Variants in BCL2L15 observed in about 807,000 individuals in gnomAD.
BCL2L15 encodes bcl-2-like protein 15.
In BCL2L15, 15 loss-of-function variants were observed where a neutral mutation model predicts 18.3. The observed-to-expected ratio is 0.82, with a 90% confidence interval of 0.55 to 1.26. The LOEUF is 1.26. Among genes scored for constraint, BCL2L15 ranks in the 50% most tolerant of loss-of-function variants. The probability of loss-of-function intolerance (pLI) is 0.00; values close to 1 mark genes in which losing one functional copy is unlikely to be tolerated. For missense variants in BCL2L15, 180 were observed against 201.7 expected, an observed-to-expected ratio of 0.89 and a Z score of 0.65; for synonymous variants, 58 against 68.5, an observed-to-expected ratio of 0.85 and a Z score of 0.76.
rs965558687 is a variant in BCL2L15 at position 113,880,081 on chromosome 1, G to C, written c.*1042C>G. On this transcript the variant is annotated 3_prime_UTR_variant, in exon 4 of 4. Transcript: ENST00000393316. ...GTGTGAACCACACTTTTAAAGCTTTGTGTTATGCAGCTAGCTTCATCTAAG... is the reference window on the plus strand; with the variant it reads ...GTGTGAACCACACTTTTAAAGCTTTCTGTTATGCAGCTAGCTTCATCTAAG... 2.0e-5 allele frequency: 3 copies of C among 152,294 alleles called. No individual in the cohort carries two copies. The highest frequency in any genetic ancestry group is 4.4e-5 in the Non-Finnish European group (3 of 68,032). 9.4% of individuals were successfully genotyped at this position (152,294 alleles called of 1,614,324 possible).
chr1:113,887,174 G>A lies in BCL2L15; in HGVS notation c.127+75C>T, dbSNP rs542951887. On this transcript the variant is annotated intron_variant, in intron 1 of 3. Coordinates refer to ENST00000393316, the MANE Select transcript of BCL2L15 (RefSeq NM_001010922.3). The stretch of plus-strand genomic sequence containing the variant: ...TGGCCTCCCAAAGTGCTGGGATTAC[G>A]GGAATCAGTCACTGCGCCCGGCTGA... The A allele has an allele frequency of 2.8e-5, 40 of 1,427,964 alleles. No homozygotes were observed. In the East Asian group the frequency reaches 7.0e-4, roughly 25 times the overall value. The allele number at this position is 1,427,964 out of a possible 1,614,324, so 88.5% of individuals were successfully genotyped here. A position where few individuals can be genotyped will look rare whatever the true frequency, so the allele number is the denominator to read the frequency against.
chr1:113,884,294 T>C (rs1253295033), intron 2 of BCL2L15, among the ~76,000 whole-genome samples: 1 of 152,220 alleles, frequency 6.6e-6, no homozygotes, highest in Non-Finnish European at 1.5e-5. Flanking sequence ...ATCCTTAATT[T>C]ATTCAAGAAG....
intron 2 of BCL2L15, among the ~76,000 whole-genome samples, chr1:113,882,476 C>A (rs1666904739): frequency 6.6e-6 from 1 of 151,980 alleles, no homozygotes; most frequent in African/African-American, 2.4e-5. Flanking sequence ...GAAACCCTGT[C>A]TCTACTAAAA....
At position 113,878,739 on chromosome 1, in the gene BCL2L15, A is replaced by T. The variant is rs1289687000; in HGVS notation, c.*2384T>A. 3 of 152,392 alleles carry T rather than the reference A, an allele frequency of 2.0e-5. No homozygotes were observed. The highest frequency in any genetic ancestry group is 7.2e-5 in the African/African-American group (3 of 41,466). 9.4% of individuals were successfully genotyped at this position (152,392 alleles called of 1,614,324 possible). ...AGGGACAAAGGAGTACAAGTTTCTT[A>T]ACTGGTAGCCAAAAATATAATTTCT... On this transcript the variant is annotated 3_prime_UTR_variant, in exon 4 of 4. Coordinates refer to ENST00000393316, the MANE Select transcript of BCL2L15 (RefSeq NM_001010922.3).
chr1:113,878,129 C>T lies in BCL2L15; in HGVS notation c.*2994G>A, dbSNP rs561685403. ...CTGCATAACACAGAATTCCAAATTG[C>T]TAATGGCACAGTGTTTAAAATATTC... On this transcript the variant is annotated 3_prime_UTR_variant, in exon 4 of 4. Coordinates refer to ENST00000393316, the MANE Select transcript of BCL2L15 (RefSeq NM_001010922.3). The T allele has an allele frequency of 1.0e-4, 16 of 152,386 alleles. No homozygotes were observed. The highest frequency in any genetic ancestry group is 3.9e-4 in the African/African-American group (16 of 41,552). 9.4% of individuals were successfully genotyped at this position (152,386 alleles called of 1,614,324 possible).
At position 113,879,700 on chromosome 1, in the gene BCL2L15, T is replaced by C. The variant is rs1041462651; in HGVS notation, c.*1423A>G. 1 of 152,208 alleles carries C rather than the reference T, an allele frequency of 6.6e-6. No individual in the cohort carries two copies. The highest frequency in any genetic ancestry group is 1.5e-5 in the Non-Finnish European group (1 of 68,032). 9.4% of individuals were successfully genotyped at this position (152,208 alleles called of 1,614,324 possible). A position where few individuals can be genotyped will look rare whatever the true frequency, so the allele number is the denominator to read the frequency against. The stretch of plus-strand genomic sequence containing the variant: ...GATTTAGAGAAGGGGTCAGCCAACT[T>C]TTTCTGTAAAGGGCCAGCTAGTAAA... On this transcript the variant is annotated 3_prime_UTR_variant, in exon 4 of 4. Transcript: ENST00000393316.
chr1:113,881,720 A>T, intron 3 of BCL2L15, 53 bp downstream of exon 3: 1 of 1,542,884 alleles, frequency 6.5e-7, no homozygotes, highest in Non-Finnish European at 8.8e-7. Flanking sequence ...CCCAGGTATT[A>T]GTACAAAAAC....
chr1:113,887,321 G>C lies in BCL2L15; in HGVS notation c.55C>G (p.Leu19Val), dbSNP rs1471283469. The C allele has an allele frequency of 6.2e-7, 1 of 1,614,190 alleles. No individual in the cohort carries two copies. The change falls in exon 1 of 4, where the codon CTC becomes GTC. Residue 19 changes from leucine (L) to valine (V), a missense_variant. By Grantham distance (32) the Leu-to-Val change is conservative (BLOSUM62 1). Transcript: ENST00000393316. ...EQTECIVNTL[L>V]MDFLSPTLQV... ...AATGTTGGGCTCAAGAAGTCCATGA[G>C]TAGAGTGTTCACAATGCATTCCGTT...
rs1666865071 is a variant in BCL2L15 at position 113,881,081 on chromosome 1, A to C, written c.*42T>G. 1 of 1,614,008 alleles carries C rather than the reference A, an allele frequency of 6.2e-7. No homozygotes were observed. Among genetic ancestry groups the C allele is most frequent in the Non-Finnish European group, 8.5e-7 (1 of 1,179,882 alleles). The stretch of plus-strand genomic sequence containing the variant: ...CCAGGAATCAATCACCCAATCAGTC[A>C]ACAAGGAAGTGATGTTCAGTCTCGT... On this transcript the variant is annotated 3_prime_UTR_variant, in exon 4 of 4. Transcript: ENST00000393316.
chr1:113,881,823 T>G lies in BCL2L15; in HGVS notation c.424A>C (p.Ile142Leu), dbSNP rs1351959942. 1 of 1,614,212 alleles carries G rather than the reference T, an allele frequency of 6.2e-7. No individual in the cohort carries two copies. Among genetic ancestry groups the G allele is most frequent in the East Asian group, 2.2e-5 (1 of 44,888 alleles). ...GQVAIPMTGM[I>L]NGNQAIREFI... is the part of the protein sequence containing the mutation. ...TCCCGGATGGCTTGGTTCCCATTGA[T>G]CATACCCGTCATGGGGATAGCCACC... Residue 142 changes from isoleucine (I) to leucine (L), a missense_variant, in exon 3 of 4, where the codon ATC (isoleucine) becomes CTC (leucine). By Grantham distance (5) the Ile-to-Leu change is conservative. Coordinates refer to ENST00000393316, the MANE Select transcript of BCL2L15 (RefSeq NM_001010922.3).
At position 113,886,638 on chromosome 1, in the gene BCL2L15, C is replaced by T. The variant is rs375010375; in HGVS notation, c.148G>A (p.Val50Met). 3.1e-6 allele frequency: 5 copies of T among 1,610,866 alleles called. No homozygotes were observed. The African/African-American group carries it at 6.7e-5, about 22-fold the overall frequency. Residue 50 changes from valine to methionine, a missense_variant, in exon 2 of 4, where the codon GTG becomes ATG. By Grantham distance (21) the Val-to-Met change is conservative. Coordinates refer to ENST00000393316, the MANE Select transcript of BCL2L15 (RefSeq NM_001010922.3). The part of the protein sequence containing the change: ...VDSGEPCSFD[V>M]AIIAGRLRML... Reference sequence around the variant, plus strand: ...CGAAGGCGACCAGCAATGATAGCCACATCAAAAGAACAAGGCTCTCCTATG... The same window carrying T: ...CGAAGGCGACCAGCAATGATAGCCATATCAAAAGAACAAGGCTCTCCTATG...
In BCL2L15 at chr1:113,887,349, TTCC is replaced by T. The variant is rs1667069728; in HGVS notation, c.24_26del (p.Glu9del). 2 of 1,614,208 alleles carry T rather than the reference TTCC, an allele frequency of 1.2e-6. No homozygotes were observed. The highest frequency in any genetic ancestry group is 8.5e-7 in the Non-Finnish European group (1 of 1,179,994). ...GAGTGTTCACAATGCATTCCGTTTG[TTCC>T]TCAAAAGTTTGGGAGCTCTTCATTT... On this transcript the variant is annotated inframe_deletion, in exon 1 of 4. Transcript: ENST00000393316.
chr1:113,882,750 G>A (rs778930711), intron 2 of BCL2L15, among the ~76,000 whole-genome samples: 28 of 151,954 alleles, frequency 1.8e-4, no homozygotes, highest in Non-Finnish European at 3.7e-4. Context: ...ACTAGCCTGG[G>A]CAACATATTG....
In BCL2L15 at chr1:113,877,691, A is replaced by C. The variant is rs556442154; in HGVS notation, c.*3432T>G. ...CCACAGCTTTGATCAATCTGATGGC[A>C]GTATATAGGACAGACTGGAATGGAG... is the stretch of plus-strand genomic sequence containing the variant. On this transcript the variant is annotated 3_prime_UTR_variant, in exon 4 of 4. Coordinates refer to ENST00000393316, the MANE Select transcript of BCL2L15 (RefSeq NM_001010922.3). Among the ~76,000 whole-genome samples the C allele has an allele frequency of 2.6e-5, 4 of 152,260 alleles. No homozygotes were observed. Among genetic ancestry groups the C allele is most frequent in the African/African-American group, 9.6e-5 (4 of 41,472 alleles).
At chr1:113,886,017 G>A (rs1002586256) in intron 2 of BCL2L15, among the ~76,000 whole-genome samples, 8 of 151,572 alleles carry the variant, frequency 5.3e-5, no homozygotes, top group Non-Finnish European at 7.4e-5. Flanking sequence ...AGACCAGCCC[G>A]GGCAACATGG....
rs61817654 is a variant in BCL2L15, at chr1:113,880,348, C to G, written c.*775G>C. 4.6e-5 allele frequency: 7 copies of G among 152,088 alleles called. No individual in the cohort carries two copies. The highest frequency in any genetic ancestry group is 1.7e-4 in the African/African-American group (7 of 41,396). The allele number at this position is 152,088 out of a possible 1,614,324, so 9.4% of individuals were successfully genotyped here. ...AACTTAAAATAACAAGATTTTAGGCCGGGCGTGGTGGCTCACGCCTGTAAT... is the reference window on the plus strand; with the variant it reads ...AACTTAAAATAACAAGATTTTAGGCGGGGCGTGGTGGCTCACGCCTGTAAT... On this transcript the variant is annotated 3_prime_UTR_variant, in exon 4 of 4. Transcript: ENST00000393316.
chr1:113,884,951 GTATT>G (rs1334844936), intron 2 of BCL2L15, among the ~76,000 whole-genome samples: 4 of 150,556 alleles, frequency 2.7e-5, no homozygotes, highest in Admixed American at 6.6e-5. Flanking sequence ...TTTTGTATTT[GTATT>G]TATTTATTTA....
chr1:113,886,691 T>C (rs1299552415), intron 1 of BCL2L15, 33 bp from the exon 2 acceptor site: 6 of 1,559,216 alleles, frequency 3.8e-6, no homozygotes, highest in East Asian at 2.3e-5. Flanking sequence ...GTTACAATGC[T>C]TGAAGCAATG....
intron 1 of BCL2L15, among the ~76,000 whole-genome samples, 194 bp downstream of exon 1, chr1:113,887,055 A>C (rs1490101437): frequency 6.6e-6 from 1 of 151,706 alleles, no homozygotes; most frequent in Non-Finnish European, 1.5e-5. Context: ...GAGCCACCAC[A>C]CCTGGCTAAT....
Sources: gnomAD v4.1 joint callset for allele counts (sites outside exome capture counted in the v4.1 genomes callset) on GRCh38, gnomAD v4.1.1 for gene constraint, MANE v1.5 for transcripts, NCBI Gene and HGNC (gene_info 2026-07-23, HGNC 2026-07-21) for gene names.